The following TFCP2L1 variants were observed in gnomAD, a reference collection of about 807,000 sequenced individuals.
TFCP2L1 encodes transcription factor CP2-like protein 1.
In TFCP2L1, 12 loss-of-function variants were observed where a neutral mutation model predicts 72.2. The observed-to-expected ratio is 0.17, with a 90% CI of 0.11 to 0.27. The LOEUF is 0.27. Among genes scored for constraint, TFCP2L1 ranks in the 10% least tolerant of loss-of-function variants. TFCP2L1 has a pLI of 1.00. For synonymous variants in TFCP2L1, 260 were observed against 251.0 expected, an observed-to-expected ratio of 1.04 and a Z score of -0.34; for missense variants, 488 against 624.6, an observed-to-expected ratio of 0.78 and a Z score of 2.33.
chr2:121,282,771 G>A (rs757601994), intron 1 of TFCP2L1, among the ~76,000 whole-genome samples: 2 of 152,108 alleles, frequency 1.3e-5, no homozygotes, highest in Non-Finnish European at 2.9e-5. Flanking sequence ...TGTATAAACA[G>A]AGTCACTGGT....
intron 13 of TFCP2L1, among the ~76,000 whole-genome samples, chr2:121,226,388 T>G (rs1309813281): frequency 6.6e-6 from 1 of 151,942 alleles, no homozygotes; most frequent in East Asian, 1.9e-4. Flanking sequence ...GATTTATGTT[T>G]GTTTGCACTA....
rs548059072 is a variant in TFCP2L1, at chr2:121,281,007, G to A, written c.214+113C>T. 153 of 1,409,908 alleles carry A rather than the reference G, an allele frequency of 1.1e-4. 2 individuals are homozygous for A. The South Asian group carries it at 1.6e-3, about 14-fold the overall frequency. The allele number at this position is 1,409,908 out of a possible 1,614,324, so 87.3% of individuals were successfully genotyped here. A position where few individuals can be genotyped will look rare whatever the true frequency, so the allele number is the denominator to read the frequency against. ...TGCACCTGTTCTCTTTCCCGAGCCC[G>A]ACCTCGCCCGACCTCACCCACCGTA... On this transcript the variant is annotated intron_variant, in intron 2 of 14. Coordinates refer to ENST00000263707, the MANE Select transcript of TFCP2L1 (RefSeq NM_014553.3).
chr2:121,271,527 T>G (rs1388971326), intron 2 of TFCP2L1, among the ~76,000 whole-genome samples: 1 of 152,310 alleles, frequency 6.6e-6, no homozygotes, highest in Non-Finnish European at 1.5e-5. Context: ...ATTCCCAAAC[T>G]TCAGGCTAAA....
In TFCP2L1 at chr2:121,246,917, T is replaced by C. The variant is rs770029754; in HGVS notation, c.558A>G (p.Gly186=). 1.2e-6 allele frequency: 2 copies of C among 1,614,116 alleles called. No homozygotes were observed. The highest frequency in any genetic ancestry group is 1.7e-6 in the Non-Finnish European group (2 of 1,180,008). Reference sequence around the variant, plus strand: ...TGTCAATCTGGACTCGAAAGGGCACTCCCTTCTCGCCCCCGTGCTTCCTGG... The same window carrying C: ...TGTCAATCTGGACTCGAAAGGGCACCCCCTTCTCGCCCCCGTGCTTCCTGG... ...FTPRKHGGEK[G]VPFRVQIDTF... The change falls in exon 6 of 15, where the codon GGA becomes GGG. Residue 186 remains glycine (G), a synonymous_variant. Coordinates refer to ENST00000263707, the MANE Select transcript of TFCP2L1 (RefSeq NM_014553.3).
intron 1 of TFCP2L1, 25 bp downstream of exon 1, chr2:121,285,023 C>T (rs1687339379): frequency 6.8e-7 from 1 of 1,473,552 alleles, no homozygotes; most frequent in Non-Finnish European, 9.0e-7. Context: ...GCCCGAGACC[C>T]GCGGGGACCG....
chr2:121,264,139 G>T (rs954380815), intron 2 of TFCP2L1, among the ~76,000 whole-genome samples: 2 of 152,106 alleles, frequency 1.3e-5, no homozygotes, highest in Non-Finnish European at 2.9e-5. Context: ...GAGAGTGGTC[G>T]CATGGCCACA....
In TFCP2L1 at chr2:121,223,585, C is replaced by T. The variant is rs1287860056; in HGVS notation, c.*756G>A. ...AATAGTCTTTTTCTATTACCATCCCCCTAACCTCCCCACAAAGGGCCTCAG... is the reference window on the plus strand; with the variant it reads ...AATAGTCTTTTTCTATTACCATCCCTCTAACCTCCCCACAAAGGGCCTCAG... On this transcript the variant is annotated 3_prime_UTR_variant, in exon 15 of 15. Transcript: ENST00000263707. 1 of 152,648 alleles carries T rather than the reference C, an allele frequency of 6.6e-6. No individual in the cohort carries two copies. The highest frequency in any genetic ancestry group is 2.4e-5 in the African/African-American group (1 of 41,458). The allele number at this position is 152,648 out of a possible 1,614,324, so 9.5% of individuals were successfully genotyped here. A position where few individuals can be genotyped will look rare whatever the true frequency, so the allele number is the denominator to read the frequency against.
At chr2:121,235,971 C>T (rs753075970) in intron 10 of TFCP2L1, among the ~76,000 whole-genome samples, 1 of 152,116 alleles carries the variant, frequency 6.6e-6, no homozygotes, top group Non-Finnish European at 1.5e-5. Flanking sequence ...AGTGCAGACA[C>T]GTTTTGCATG....
chr2:121,254,797 C>T (rs1429359573), intron 2 of TFCP2L1, among the ~76,000 whole-genome samples: 2 of 149,494 alleles, frequency 1.3e-5, no homozygotes, highest in Admixed American at 6.6e-5. Context: ...AGCGAGACTC[C>T]GTTTCAAAAA....
intron 6 of TFCP2L1, among the ~76,000 whole-genome samples, chr2:121,243,455 C>T (rs1010536358): frequency 1.3e-5 from 2 of 152,204 alleles, no homozygotes; most frequent in Non-Finnish European, 2.9e-5. Context: ...GGTCCCATGC[C>T]CTGTTAGGAA....
At position 121,224,223 on chromosome 2, in the gene TFCP2L1, A is replaced by C; in HGVS notation, c.*118T>G. On this transcript the variant is annotated 3_prime_UTR_variant, in exon 15 of 15. Transcript: ENST00000263707. Reference sequence around the variant, plus strand: ...GCTCTGTAGCTTTCACAGACTGGGCAGGGTCCCTCCTGGCCTCAGCTTGCC... The same window carrying C: ...GCTCTGTAGCTTTCACAGACTGGGCCGGGTCCCTCCTGGCCTCAGCTTGCC... 6.9e-6 allele frequency: 8 copies of C among 1,158,220 alleles called. No homozygotes were observed. The highest frequency in any genetic ancestry group is 1.0e-5 in the Non-Finnish European group (8 of 792,626). The allele number at this position is 1,158,220 out of a possible 1,614,324, so 71.7% of individuals were successfully genotyped here. A position where few individuals can be genotyped will look rare whatever the true frequency, so the allele number is the denominator to read the frequency against.
chr2:121,280,647 G>A (rs552791480), intron 2 of TFCP2L1, among the ~76,000 whole-genome samples: 1 of 151,738 alleles, frequency 6.6e-6, no homozygotes. Context: ...TGTGATCCCA[G>A]CTACTTGGGA....
chr2:121,260,070 C>T (rs1161040454), intron 2 of TFCP2L1, among the ~76,000 whole-genome samples: 1 of 152,182 alleles, frequency 6.6e-6, no homozygotes, highest in Non-Finnish European at 1.5e-5. Context: ...CCATGTAAGA[C>T]AGGCAGAAGC....
rs1482978779 is a variant in TFCP2L1 at position 121,272,150 on chromosome 2, C to T, written c.214+8970G>A. On this transcript the variant is annotated intron_variant, in intron 2 of 14. Coordinates refer to ENST00000263707, the MANE Select transcript of TFCP2L1 (RefSeq NM_014553.3). ...GAACTCCCTTTATTATTGCACCCCA[C>T]TTCAATCACTCTCCTGGCTTTCAAA... Among the ~76,000 whole-genome samples, 3 of 152,182 alleles carry T rather than the reference C, an allele frequency of 2.0e-5. No individual in the cohort carries two copies. In the East Asian group the frequency reaches 5.8e-4, roughly 29 times the overall value.
intron 10 of TFCP2L1, 93 bp downstream of exon 10, chr2:121,237,530 C>T (rs1686275960): frequency 3.5e-6 from 5 of 1,409,612 alleles, no homozygotes; most frequent in Non-Finnish European, 4.9e-6. Context: ...AACGACAGCG[C>T]TGCCAGTGTT....
chr2:121,269,920 T>A (rs75923548), intron 2 of TFCP2L1, among the ~76,000 whole-genome samples: 4,217 of 26,960 alleles, frequency 0.16, 332 homozygotes, highest in African/African-American at 0.33. Context: ...AAAAAAAAAA[T>A]ATATATATAT....
intron 2 of TFCP2L1, among the ~76,000 whole-genome samples, chr2:121,258,632 C>G (rs1686773168): frequency 6.6e-6 from 1 of 152,176 alleles, no homozygotes; most frequent in Non-Finnish European, 1.5e-5. Flanking sequence ...CAAACCCAAA[C>G]AGAGAGACCA....
At position 121,222,252 on chromosome 2, in the gene TFCP2L1, A is replaced by G. The variant is rs1685940759; in HGVS notation, c.*2089T>C. On this transcript the variant is annotated 3_prime_UTR_variant, in exon 15 of 15. Transcript: ENST00000263707. ...AGAAAACAGTCTGGCAGTTTCTCAA[A>G]AAGTTAAAACACGGAGTTACTGTAA... is the stretch of plus-strand genomic sequence containing the variant. The G allele has an allele frequency of 6.6e-6, 1 of 152,378 alleles. No homozygotes were observed. The highest frequency in any genetic ancestry group is 2.1e-4 in the South Asian group (1 of 4,826). The allele number at this position is 152,378 out of a possible 1,614,324, so 9.4% of individuals were successfully genotyped here. A position where few individuals can be genotyped will look rare whatever the true frequency, so the allele number is the denominator to read the frequency against.
intron 2 of TFCP2L1, among the ~76,000 whole-genome samples, chr2:121,278,976 C>T (rs112325726): frequency 0.053 from 7,985 of 151,880 alleles, 339 homozygotes; most frequent in East Asian, 0.2. Flanking sequence ...TGCACTCCAG[C>T]CTGGGAGACA....
Sources: allele counts gnomAD v4.1 joint callset (sites outside exome capture counted in the v4.1 genomes callset), GRCh38; gene constraint gnomAD v4.1.1; transcripts MANE v1.5; gene names NCBI Gene and HGNC (gene_info 2026-07-23, HGNC 2026-07-21).